SVOP: variants seen among roughly 807,000 people sequenced by gnomAD.
SVOP encodes synaptic vesicle 2-related protein.
SVOP carries 17 observed loss-of-function variants against 69.1 expected under a neutral mutation model. The ratio of observed to expected loss-of-function variants is 0.25; its 90% CI spans 0.17 to 0.37. The LOEUF is 0.37. SVOP is among the 10% of genes least tolerant of loss of function. The pLI is 1.00. For synonymous variants in SVOP, 238 were observed against 238.6 expected (o/e 1.00, Z 0.02); for missense variants, 435 against 597.5 (o/e 0.73, Z 2.84).
intron 15 of SVOP, among the ~76,000 whole-genome samples, chr12:108,914,902 AC>A (rs1392481788): frequency 6.6e-6 from 1 of 151,386 alleles, no homozygotes; most frequent in Non-Finnish European, 1.5e-5. Flanking sequence ...TTGGCCAGGC[AC>A]AGTGGCTCAT....
chr12:108,990,076 T>C (rs1462665894), intron 1 of SVOP, among the ~76,000 whole-genome samples: 1 of 151,576 alleles, frequency 6.6e-6, no homozygotes, highest in Non-Finnish European at 1.5e-5. Flanking sequence ...TGGTGGTCTT[T>C]GGTAATAGCG....
chr12:108,933,298 G>A (rs1230396903), intron 11 of SVOP, among the ~76,000 whole-genome samples: 3 of 152,154 alleles, frequency 2.0e-5, no homozygotes, highest in Non-Finnish European at 2.9e-5. Flanking sequence ...GATCTCTTGA[G>A]CCCAGGAGGT....
At chr12:108,937,107 T>C (rs2039861108) in intron 10 of SVOP, 157 bp downstream of exon 10, 1 of 715,602 alleles carries the variant, frequency 1.4e-6, no homozygotes, top group Non-Finnish European at 2.5e-6. Flanking sequence ...GATGATAACC[T>C]GGATATGACG....
intron 8 of SVOP, among the ~76,000 whole-genome samples, chr12:108,940,224 T>C (rs1042116818): frequency 6.6e-6 from 1 of 152,208 alleles, no homozygotes; most frequent in African/African-American, 2.4e-5. Context: ...TTGTGGTATT[T>C]ACCGTACATG....
At chr12:108,919,095 T>TG (rs1447628078) in intron 13 of SVOP, among the ~76,000 whole-genome samples, 1 of 150,072 alleles carries the variant, frequency 6.7e-6, no homozygotes, top group Non-Finnish European at 1.5e-5. Flanking sequence ...CACTCACACC[T>TG]GGGTCTGTAC....
chr12:109,008,611 A>G lies in SVOP; in HGVS notation c.35+12223T>C, dbSNP rs78505537. 1.6e-3 allele frequency among the ~76,000 whole-genome samples: 247 copies of G among 152,324 alleles called. 5 individuals carry two copies. The East Asian group carries it at 0.047, about 29-fold the overall frequency. ...AAAAAATAAATCCTAGTTAGCATTCATGAAGCCTTTATCAGGGGCTGGTAA... is the reference window on the plus strand; with the variant it reads ...AAAAAATAAATCCTAGTTAGCATTCGTGAAGCCTTTATCAGGGGCTGGTAA... On this transcript the variant is annotated intron_variant, in intron 1 of 15. Transcript: ENST00000610966.
rs1190834312 is a variant in SVOP at position 108,982,188 on chromosome 12, A to G, written c.196+1413T>C. On this transcript the variant is annotated intron_variant, in intron 2 of 15. Transcript: ENST00000610966. ...TCACCATCTTCATCCTATCATTATC[A>G]TCACCATCATCATGATCTCCATCAT... Among the ~76,000 whole-genome samples, 28 of 151,446 alleles carry G rather than the reference A, an allele frequency of 1.8e-4. 1 individual carries two copies. Among genetic ancestry groups the G allele is most frequent in the Admixed American group, 1.7e-3 (26 of 15,202 alleles).
intron 11 of SVOP, among the ~76,000 whole-genome samples, chr12:108,927,590 T>TC (rs1491459349): frequency 3.8e-4 from 5 of 13,056 alleles, no homozygotes; most frequent in African/African-American, 5.3e-4. Flanking sequence ...TCTCTCTCTC[T>TC]TTTTTTTTTT....
intron 1 of SVOP, among the ~76,000 whole-genome samples, chr12:109,016,592 T>C (rs1041401611): frequency 6.6e-6 from 1 of 152,128 alleles, no homozygotes; most frequent in Non-Finnish European, 1.5e-5. Context: ...ACCCATACAG[T>C]TTCTTCTTCC....
intron 4 of SVOP, 41 bp from the exon 5 acceptor site, chr12:108,972,517 G>A: frequency 6.6e-7 from 1 of 1,526,584 alleles, no homozygotes; most frequent in South Asian, 1.2e-5. Context: ...AGAGGATGTG[G>A]ATCATTGCAC....
At chr12:108,923,816 G>A (rs1217021107) in intron 11 of SVOP, among the ~76,000 whole-genome samples, 1 of 152,110 alleles carries the variant, frequency 6.6e-6, no homozygotes, top group Non-Finnish European at 1.5e-5. Context: ...CCAAAGAGGT[G>A]ATGGAAACAA....
intron 15 of SVOP, 22 bp from the exon 16 acceptor site, chr12:108,912,763 C>G: frequency 6.2e-7 from 1 of 1,607,680 alleles, no homozygotes; most frequent in Non-Finnish European, 8.5e-7. Flanking sequence ...AGACACGGGT[C>G]GGTGAAAGCA....
At chr12:108,972,331 G>A (rs774955963) in intron 5 of SVOP, 74 bp downstream of exon 5, 321 of 1,417,492 alleles carry the variant, frequency 2.3e-4, no homozygotes, top group Non-Finnish European at 2.6e-4. Flanking sequence ...AATGCAGAAC[G>A]GGTTTGCTAC....
At chr12:108,997,238 T>C (rs1267016367) in intron 1 of SVOP, among the ~76,000 whole-genome samples, 1 of 152,096 alleles carries the variant, frequency 6.6e-6, no homozygotes, top group African/African-American at 2.4e-5. Context: ...CACCCGAATA[T>C]TGCGCTTTTC....
intron 6 of SVOP, among the ~76,000 whole-genome samples, chr12:108,947,440 T>C (rs2039931757): frequency 6.6e-6 from 1 of 152,222 alleles, no homozygotes; most frequent in South Asian, 2.1e-4. Flanking sequence ...AACGAGTTCA[T>C]ACTGATACAT....
chr12:108,962,833 C>T lies in SVOP; in HGVS notation c.454-1786G>A, dbSNP rs926046583. Among the ~76,000 whole-genome samples the T allele has an allele frequency of 1.1e-4, 16 of 151,986 alleles. No homozygotes were observed. In the South Asian group the frequency reaches 1.5e-3, roughly 14 times the overall value. ...TGCAAAAATTAGCCAGGTGGAGTGG[C>T]GGGTGCCTGTAGTCCCAGCTACTTG... On this transcript the variant is annotated intron_variant, in intron 5 of 15. Transcript: ENST00000610966.
At chr12:108,947,781 C>T (rs867690635) in intron 6 of SVOP, among the ~76,000 whole-genome samples, 3 of 152,124 alleles carry the variant, frequency 2.0e-5, no homozygotes, top group African/African-American at 7.2e-5. Flanking sequence ...ATATCTCCCA[C>T]CTAAGGCAGG....
At chr12:108,942,496 G>T (rs36164480) in intron 7 of SVOP, among the ~76,000 whole-genome samples, 2 of 152,152 alleles carry the variant, frequency 1.3e-5, no homozygotes, top group African/African-American at 4.8e-5. Context: ...CTGTCCTAGC[G>T]CTTCCCACTG....
intron 10 of SVOP, among the ~76,000 whole-genome samples, chr12:108,935,780 C>T (rs1257590305): frequency 1.3e-5 from 2 of 152,162 alleles, no homozygotes; most frequent in East Asian, 1.9e-4. Context: ...ATGACTGCAG[C>T]TCCAATTCAT....
Sources: allele counts gnomAD v4.1 joint callset (sites outside exome capture counted in the v4.1 genomes callset), GRCh38; gene constraint gnomAD v4.1.1; transcripts MANE v1.5; gene names NCBI Gene and HGNC (gene_info 2026-07-23, HGNC 2026-07-21).